The following GLYATL3 variants were observed in gnomAD, a reference collection of about 807,000 sequenced individuals.
The protein encoded by GLYATL3 is glycine N-acyltransferase-like protein 3.
In GLYATL3, 31 loss-of-function variants were observed where a neutral mutation model predicts 28.5. The observed-to-expected ratio is 1.09, with a 90% CI of 0.82 to 1.47. GLYATL3 has a LOEUF of 1.47. GLYATL3 is among the 40% of genes most tolerant of loss of function. The probability of loss-of-function intolerance (pLI) is 0.00; values close to 1 mark genes in which losing one functional copy is unlikely to be tolerated. For missense variants in GLYATL3, 369 were observed against 351.5 expected (o/e 1.05, Z -0.40); for synonymous variants, 141 against 140.2 (o/e 1.01, Z -0.04).
Position 49,527,019 on chromosome 6 carries a change from T to C in GLYATL3, c.*105T>C. On this transcript the variant is annotated 3_prime_UTR_variant, in exon 6 of 6. Coordinates refer to ENST00000371197, the MANE Select transcript of GLYATL3 (RefSeq NM_001010904.2). ...AATGGGAATCAGGGGACTCTTGAGT[T>C]GTTGGAAAGGGTCTGGAGAATATAT... 1.2e-6 allele frequency: 1 copy of C among 855,740 alleles called. No homozygotes were observed. The highest frequency in any genetic ancestry group is 1.8e-6 in the Non-Finnish European group (1 of 569,720). The allele number at this position is 855,740 out of a possible 1,614,324, so 53.0% of individuals were successfully genotyped here. A position where few individuals can be genotyped will look rare whatever the true frequency, so the allele number is the denominator to read the frequency against.
intron 1 of GLYATL3, among the ~76,000 whole-genome samples, chr6:49,504,114 T>G (rs1768965180): frequency 6.6e-6 from 1 of 152,126 alleles, no homozygotes; most frequent in African/African-American, 2.4e-5. Context: ...ATCAGTGTAA[T>G]CAGGAGGAGG....
chr6:49,521,931 T>G (rs1374641111), intron 5 of GLYATL3, among the ~76,000 whole-genome samples, 160 bp downstream of exon 5: 1 of 151,966 alleles, frequency 6.6e-6, no homozygotes, highest in African/African-American at 2.4e-5. Context: ...GTGTGTGTGT[T>G]TACTCTTCTC....
intron 1 of GLYATL3, among the ~76,000 whole-genome samples, chr6:49,500,805 A>G (rs977683051): frequency 6.6e-6 from 1 of 152,198 alleles, no homozygotes; most frequent in African/African-American, 2.4e-5. Context: ...TTCAGAGTTA[A>G]TCGTCATTAT....
At chr6:49,508,547 T>C (rs9395499) in intron 1 of GLYATL3, among the ~76,000 whole-genome samples, 80,179 of 151,966 alleles carry the variant, frequency 0.53, 22,597 homozygotes, top group Non-Finnish European at 0.65. Context: ...CTTATCCATA[T>C]GGACAGGTGC....
intron 4 of GLYATL3, 132 bp downstream of exon 4, chr6:49,517,688 T>C (rs567199488): frequency 5.4e-6 from 3 of 558,522 alleles, no homozygotes; most frequent in Non-Finnish European, 8.7e-6. Context: ...TATAAATACA[T>C]ACACATACAT....
chr6:49,521,247 C>T (rs115759062), intron 4 of GLYATL3, among the ~76,000 whole-genome samples: 1,694 of 152,198 alleles, frequency 0.011, 31 homozygotes, highest in African/African-American at 0.037. Flanking sequence ...GTTTGCCACG[C>T]CAAACAAATC....
At chr6:49,509,428 T>C (rs1561976646) in intron 1 of GLYATL3, among the ~76,000 whole-genome samples, 1 of 152,226 alleles carries the variant, frequency 6.6e-6, no homozygotes, top group Non-Finnish European at 1.5e-5. Context: ...ACCTAACACG[T>C]GTATTTCCTC....
intron 1 of GLYATL3, among the ~76,000 whole-genome samples, chr6:49,507,862 T>G (rs1403318254): frequency 6.6e-6 from 1 of 152,146 alleles, no homozygotes; most frequent in Non-Finnish European, 1.5e-5. Context: ...CATTTCTTAT[T>G]AAGTTTAGTG....
chr6:49,519,077 C>A (rs1208462914), intron 4 of GLYATL3, among the ~76,000 whole-genome samples: 1 of 152,070 alleles, frequency 6.6e-6, no homozygotes, highest in Non-Finnish European at 1.5e-5. Context: ...CTTCCACAGC[C>A]AATTTAGAAA....
At chr6:49,517,993 T>A (rs1313806408) in intron 4 of GLYATL3, among the ~76,000 whole-genome samples, 1 of 152,156 alleles carries the variant, frequency 6.6e-6, no homozygotes, top group East Asian at 1.9e-4. Flanking sequence ...TGGAAAGAAA[T>A]AATCGATTGA....
chr6:49,511,958 AT>A lies in GLYATL3; in HGVS notation c.-28-3del. The A allele has an allele frequency of 9.4e-7, 1 of 1,062,372 alleles. No homozygotes were observed. The allele number at this position is 1,062,372 out of a possible 1,614,324, so 65.8% of individuals were successfully genotyped here. A position where few individuals can be genotyped will look rare whatever the true frequency, so the allele number is the denominator to read the frequency against. The stretch of plus-strand genomic sequence containing the variant: ...TTAAATGCCTACCTTCAAGTTTCTA[AT>A]TAGGTGTGGAGTTGCAAGAGCTCTG... On this transcript the variant is annotated splice_polypyrimidine_tract_variant and splice_region_variant and intron_variant, in intron 1 of 5. Transcript: ENST00000371197.
At chr6:49,509,944 CTTTCTCTTTCTTTCTTTCTT>C (rs1340675348) in intron 1 of GLYATL3, among the ~76,000 whole-genome samples, 15 of 55,000 alleles carry the variant, frequency 2.7e-4, no homozygotes, top group Non-Finnish European at 5.8e-4. Context: ...TACGTATTTT[CTTTCTCTTTCTTTCTTTCTT>C]TCTTTCTTTC....
chr6:49,516,192 C>T (rs568582158), intron 3 of GLYATL3, among the ~76,000 whole-genome samples: 12 of 152,202 alleles, frequency 7.9e-5, no homozygotes, highest in African/African-American at 1.2e-4. Flanking sequence ...GGTGATCCGT[C>T]TACCTCGGGC....
intron 5 of GLYATL3, among the ~76,000 whole-genome samples, chr6:49,526,124 A>G (rs1247470754): frequency 6.6e-6 from 1 of 152,130 alleles, no homozygotes; most frequent in East Asian, 1.9e-4. Context: ...ATATGAAAAG[A>G]GTAGTTATAG....
chr6:49,523,362 G>T (rs1017345994), intron 5 of GLYATL3, among the ~76,000 whole-genome samples: 11 of 152,218 alleles, frequency 7.2e-5, no homozygotes, highest in Non-Finnish European at 1.5e-4. Context: ...TCTGCTAAAA[G>T]TTGTCTACCA....
intron 1 of GLYATL3, among the ~76,000 whole-genome samples, chr6:49,506,508 A>C (rs561496826): frequency 6.6e-6 from 1 of 152,286 alleles, no homozygotes; most frequent in South Asian, 2.1e-4. Context: ...ACTTGTCAAA[A>C]GGAATATGAA....
intron 2 of GLYATL3, among the ~76,000 whole-genome samples, chr6:49,513,625 C>T (rs1769160444): frequency 6.6e-6 from 1 of 152,142 alleles, no homozygotes; most frequent in African/African-American, 2.4e-5. Context: ...ACAGAACAAA[C>T]ATGACCCTTC....
At position 49,513,852 on chromosome 6, in the gene GLYATL3, C is replaced by G. The variant is rs538453547; in HGVS notation, c.78+1784C>G. Reference sequence around the variant, plus strand: ...TCAGGTGCAGTAGCAAGCTTGTAGTCCCATCTACTCGGAAAGCAGAGGCAG... The same window carrying G: ...TCAGGTGCAGTAGCAAGCTTGTAGTGCCATCTACTCGGAAAGCAGAGGCAG... On this transcript the variant is annotated intron_variant, in intron 2 of 5. Transcript: ENST00000371197. 6.2e-4 allele frequency among the ~76,000 whole-genome samples: 94 copies of G among 152,248 alleles called. 1 individual carries two copies. The South Asian group carries it at 0.019, about 31-fold the overall frequency.
At chr6:49,516,068 G>A (rs1416031622) in intron 3 of GLYATL3, among the ~76,000 whole-genome samples, 1 of 151,742 alleles carries the variant, frequency 6.6e-6, no homozygotes, top group Non-Finnish European at 1.5e-5. Flanking sequence ...CTGAGTAGTT[G>A]GGATTATAGG....
Sources: allele counts gnomAD v4.1 joint callset (sites outside exome capture counted in the v4.1 genomes callset), GRCh38; gene constraint gnomAD v4.1.1; transcripts MANE v1.5; gene names NCBI Gene and HGNC (gene_info 2026-07-23, HGNC 2026-07-21).